AFAP1: variants seen among roughly 807,000 people sequenced by gnomAD.
AFAP1 encodes actin filament-associated protein 1.
AFAP1 carries 75 observed loss-of-function variants against 93.9 expected under a neutral mutation model. The observed-to-expected ratio is 0.80, with a 90% CI of 0.66 to 0.97. The LOEUF (loss-of-function observed/expected upper bound fraction) is 0.97, where lower values mean the gene tolerates loss of function less well. Ranked by LOEUF, AFAP1 falls within the 50% of genes least tolerant of loss-of-function variation. AFAP1 has a pLI of 0.00. For missense variants in AFAP1, 1,201 were observed against 1,050.8 expected, an observed-to-expected ratio of 1.14 and a Z score of -1.98; for synonymous variants, 517 against 430.7, an observed-to-expected ratio of 1.20 and a Z score of -2.48.
chr4:7,779,824 T>A (rs1716572225), intron 13 of AFAP1, among the ~76,000 whole-genome samples: 1 of 152,158 alleles, frequency 6.6e-6, no homozygotes, highest in African/African-American at 2.4e-5. Context: ...ACATAAGTGC[T>A]CAGAAAGTGC....
intron 1 of AFAP1, among the ~76,000 whole-genome samples, chr4:7,923,382 C>T (rs181269562): frequency 1.3e-5 from 2 of 152,308 alleles, no homozygotes; most frequent in African/African-American, 2.4e-5. Flanking sequence ...ATCAAGGTGT[C>T]GGCCAACTCA....
Position 7,884,592 on chromosome 4 carries a change from T to C in AFAP1, c.-2-12512A>G, listed in dbSNP as rs570625120. On this transcript the variant is annotated intron_variant, in intron 1 of 17. Coordinates refer to ENST00000420658, the MANE Select transcript of AFAP1 (RefSeq NM_001134647.2). ...ATACACACAGAAATATAAGAAAAAT[T>C]GTCACCTTAATAACTGGGGTTGGGA... Among the ~76,000 whole-genome samples, 68 of 152,246 alleles carry C rather than the reference T, an allele frequency of 4.5e-4. No homozygotes were observed. In the South Asian group the frequency reaches 0.014, roughly 32 times the overall value.
At chr4:7,832,021 T>C (rs746718477) in intron 6 of AFAP1, among the ~76,000 whole-genome samples, 30 of 152,116 alleles carry the variant, frequency 2.0e-4, no homozygotes, top group Non-Finnish European at 3.7e-4. Flanking sequence ...CTATGGATCA[T>C]GGTAGCACTT....
chr4:7,769,500 CA>C (rs540714394), intron 16 of AFAP1, among the ~76,000 whole-genome samples: 19 of 152,228 alleles, frequency 1.2e-4, no homozygotes, highest in Non-Finnish European at 2.5e-4. Context: ...GCTCCATGAG[CA>C]CAGAGGCCTT....
Position 7,781,426 on chromosome 4 carries a change from C to G in AFAP1, c.1732G>C (p.Val578Leu). The G allele has an allele frequency of 3.2e-6, 5 of 1,552,048 alleles. No homozygotes were observed. Among genetic ancestry groups the G allele is most frequent in the Non-Finnish European group, 4.4e-6 (5 of 1,147,080 alleles). ...CTCCCCACAGAAGAGGTATTAGTGA[C>G]AGACTGAGCGGAGGCAGGGTATTTG... is the stretch of plus-strand genomic sequence containing the variant. Reference protein sequence around the residue: ...HYKYPASAQSVTNTSSVGRAS... With the variant: ...HYKYPASAQSLTNTSSVGRAS... Residue 578 changes from valine (V) to leucine (L), a missense_variant, in exon 13 of 18, where the codon GTC (valine) becomes CTC (leucine). Val to Leu is a conservative substitution (Grantham distance 32, BLOSUM62 1). Coordinates refer to ENST00000420658, the MANE Select transcript of AFAP1 (RefSeq NM_001134647.2).
intron 16 of AFAP1, among the ~76,000 whole-genome samples, chr4:7,771,918 G>A (rs963118771): frequency 4.6e-5 from 7 of 152,174 alleles, no homozygotes; most frequent in Non-Finnish European, 1.0e-4. Flanking sequence ...AACAGGCTGT[G>A]CGGGTGGTGC....
At position 7,769,008 on chromosome 4, in the gene AFAP1, A is replaced by C. The variant is rs781130898; in HGVS notation, c.2254T>G (p.Ser752Ala). 3.7e-6 allele frequency: 6 copies of C among 1,604,908 alleles called. No individual in the cohort carries two copies. Among genetic ancestry groups the C allele is most frequent in the South Asian group, 1.1e-5 (1 of 90,370 alleles). Reference sequence around the variant, plus strand: ...AGGGTCCGGTGCCGGAACACTGGAGACTTAACGGAGAGAGAGAACCCCATG... The same window carrying C: ...AGGGTCCGGTGCCGGAACACTGGAGCCTTAACGGAGAGAGAGAACCCCATG... Reference protein sequence around the residue: ...EPKSGTSSPQSPVFRHRTLEN... With the variant: ...EPKSGTSSPQAPVFRHRTLEN... The change falls in exon 17 of 18, where the codon TCT becomes GCT. Residue 752 changes from serine (S) to alanine (A), a missense_variant and splice_region_variant. Ser to Ala is a moderately conservative substitution (Grantham distance 99, BLOSUM62 1). Transcript: ENST00000420658.
chr4:7,827,067 C>T (rs1721486229), intron 6 of AFAP1, among the ~76,000 whole-genome samples: 1 of 152,030 alleles, frequency 6.6e-6, no homozygotes, highest in Non-Finnish European at 1.5e-5. Flanking sequence ...GAAAGAAATG[C>T]CAGAAGTGAA....
intron 1 of AFAP1, among the ~76,000 whole-genome samples, chr4:7,878,326 G>A (rs1052418478): frequency 6.6e-6 from 1 of 152,216 alleles, no homozygotes; most frequent in Non-Finnish European, 1.5e-5. Flanking sequence ...CTTACCAGCT[G>A]TGCAGCAGGC....
intron 1 of AFAP1, among the ~76,000 whole-genome samples, chr4:7,909,488 G>A (rs764169564): frequency 3.3e-5 from 5 of 152,200 alleles, no homozygotes; most frequent in South Asian, 2.1e-4. Context: ...ATAACCAACT[G>A]TCAAATTATT....
At chr4:7,934,065 G>A (rs73088390) in intron 1 of AFAP1, among the ~76,000 whole-genome samples, 7,343 of 152,282 alleles carry the variant, frequency 0.048, 229 homozygotes, top group South Asian at 0.089. Flanking sequence ...CAAAGGCAGG[G>A]CTGGCCACAC....
At chr4:7,903,624 A>T (rs1333776735) in intron 1 of AFAP1, among the ~76,000 whole-genome samples, 2 of 152,256 alleles carry the variant, frequency 1.3e-5, no homozygotes, top group Non-Finnish European at 2.9e-5. Context: ...GGTTGCAGTG[A>T]GCCGAGAAAG....
At chr4:7,763,887 G>T in intron 17 of AFAP1, 96 bp from the exon 18 acceptor site, 1 of 1,254,516 alleles carries the variant, frequency 8.0e-7, no homozygotes, top group Non-Finnish European at 1.1e-6. Flanking sequence ...GGGGGTGGGT[G>T]CTCGGCTACT....
intron 10 of AFAP1, among the ~76,000 whole-genome samples, chr4:7,797,694 C>G (rs1705214111): frequency 6.6e-6 from 1 of 152,214 alleles, no homozygotes; most frequent in Admixed American, 6.5e-5. Context: ...CTAGAAAAAC[C>G]TGACGAAGAT....
At chr4:7,938,104 G>A (rs115362355) in intron 1 of AFAP1, among the ~76,000 whole-genome samples, 2,257 of 152,220 alleles carry the variant, frequency 0.015, 62 homozygotes, top group African/African-American at 0.052. Context: ...AGAGAGAAGG[G>A]AGCCACCTCA....
intron 2 of AFAP1, among the ~76,000 whole-genome samples, chr4:7,871,682 G>A (rs922340858): frequency 8.5e-5 from 13 of 152,280 alleles, no homozygotes; most frequent in Admixed American, 8.5e-4. Context: ...CAAGTCCCGT[G>A]AGTCCTTCCA....
chr4:7,936,833 G>C (rs766326980), intron 1 of AFAP1, among the ~76,000 whole-genome samples: 1 of 151,830 alleles, frequency 6.6e-6, no homozygotes, highest in African/African-American at 2.4e-5. Flanking sequence ...TGCCTGCCTC[G>C]GCCTCCCAAA....
At chr4:7,814,482 A>G (rs1340381215) in intron 8 of AFAP1, among the ~76,000 whole-genome samples, 2 of 152,230 alleles carry the variant, frequency 1.3e-5, no homozygotes, top group East Asian at 3.8e-4. Context: ...TGCACAGAAC[A>G]GATTTTTCAA....
chr4:7,933,040 A>AC (rs1553858303), intron 1 of AFAP1, among the ~76,000 whole-genome samples: 1 of 118,848 alleles, frequency 8.4e-6, no homozygotes, highest in African/African-American at 3.1e-5. Flanking sequence ...AAAAAAAAAA[A>AC]GGGGGGGGAT....
Sources: allele counts gnomAD v4.1 joint callset (sites outside exome capture counted in the v4.1 genomes callset), GRCh38; gene constraint gnomAD v4.1.1; transcripts MANE v1.5; gene names NCBI Gene and HGNC (gene_info 2026-07-23, HGNC 2026-07-21).